The following PEBP4 variants were observed in gnomAD, a reference collection of about 807,000 sequenced individuals.
PEBP4 encodes phosphatidylethanolamine-binding protein 4.
A neutral mutation model predicts 23.9 loss-of-function variants in PEBP4; 22 were observed. The ratio of observed to expected loss-of-function variants is 0.92; its 90% CI spans 0.66 to 1.31. The LOEUF (loss-of-function observed/expected upper bound fraction) is 1.31, where lower values mean the gene tolerates loss of function less well. PEBP4 is among the 40% of genes most tolerant of loss of function. PEBP4 has a pLI of 0.00. For synonymous variants in PEBP4, 112 were observed against 99.3 expected, an observed-to-expected ratio of 1.13 and a Z score of -0.76; for missense variants, 324 against 281.7, an observed-to-expected ratio of 1.15 and a Z score of -1.07.
chr8:22,794,712 T>A (rs889611682), intron 4 of PEBP4, among the ~76,000 whole-genome samples: 1 of 152,178 alleles, frequency 6.6e-6, no homozygotes, highest in Non-Finnish European at 1.5e-5. Context: ...GAAGTTTTTA[T>A]TTACAGAAGT....
intron 1 of PEBP4, among the ~76,000 whole-genome samples, chr8:22,940,973 T>C (rs1330544260): frequency 6.6e-6 from 1 of 152,154 alleles, no homozygotes; most frequent in Non-Finnish European, 1.5e-5. Flanking sequence ...GTTTCTGGCC[T>C]GGAGAACGAG....
At chr8:22,719,729 G>T (rs879651757) in intron 6 of PEBP4, among the ~76,000 whole-genome samples, 5 of 152,204 alleles carry the variant, frequency 3.3e-5, no homozygotes, top group African/African-American at 4.8e-5. Context: ...TTCCTCGTTT[G>T]CCCTGGGGTA....
chr8:22,860,166 A>ATT (rs1807738779), intron 3 of PEBP4, among the ~76,000 whole-genome samples: 1 of 125,292 alleles, frequency 8.0e-6, no homozygotes, highest in Non-Finnish European at 1.7e-5. Context: ...ACACATATAT[A>ATT]TGTATATATA....
At chr8:22,732,600 G>A (rs1804761785) in intron 4 of PEBP4, among the ~76,000 whole-genome samples, 1 of 151,580 alleles carries the variant, frequency 6.6e-6, no homozygotes, top group African/African-American at 2.4e-5. Context: ...AAAAAGAATA[G>A]TAGTCACTCC....
chr8:22,738,318 C>A (rs372411728), intron 4 of PEBP4, among the ~76,000 whole-genome samples: 1 of 152,148 alleles, frequency 6.6e-6, no homozygotes, highest in African/African-American at 2.4e-5. Flanking sequence ...CTCAGGAGAG[C>A]GAGTCAGAGG....
chr8:22,737,294 CAAAAAAA>C (rs11302571), intron 4 of PEBP4, among the ~76,000 whole-genome samples: 1 of 65,496 alleles, frequency 1.5e-5, no homozygotes, highest in Non-Finnish European at 3.2e-5. Flanking sequence ...GACTCCGTCT[CAAAAAAA>C]AAAAAAAAAA....
At chr8:22,891,239 G>GATGA (rs112416849) in intron 3 of PEBP4, among the ~76,000 whole-genome samples, 18 of 151,724 alleles carry the variant, frequency 1.2e-4, no homozygotes, top group African/African-American at 3.9e-4. Context: ...GCACTTGCCA[G>GATGA]ATGAATGAAT....
chr8:22,762,678 G>A (rs181779321), intron 4 of PEBP4, among the ~76,000 whole-genome samples: 20 of 152,184 alleles, frequency 1.3e-4, no homozygotes, highest in Admixed American at 2.0e-4. Context: ...TTACTTCTCC[G>A]TAAGTGGCAA....
chr8:22,781,124 C>T (rs1402043084), intron 4 of PEBP4, among the ~76,000 whole-genome samples: 2 of 152,162 alleles, frequency 1.3e-5, no homozygotes, highest in Non-Finnish European at 2.9e-5. Flanking sequence ...GCTGGACTGA[C>T]CTCAGGTGTC....
At chr8:22,732,397 G>T (rs1804756823) in intron 4 of PEBP4, among the ~76,000 whole-genome samples, 1 of 152,100 alleles carries the variant, frequency 6.6e-6, no homozygotes, top group Non-Finnish European at 1.5e-5. Flanking sequence ...CACACAACTG[G>T]AGGGCCCATG....
chr8:22,713,688 C>T, intron 6 of PEBP4, 152 bp from the exon 7 acceptor site: 2 of 1,098,642 alleles, frequency 1.8e-6, no homozygotes, highest in South Asian at 3.0e-5. Context: ...GCTTCCGGCT[C>T]CTGTTGCAGA....
intron 4 of PEBP4, among the ~76,000 whole-genome samples, chr8:22,764,957 A>T (rs924656619): frequency 6.6e-6 from 1 of 151,824 alleles, no homozygotes; most frequent in African/African-American, 2.4e-5. Flanking sequence ...GAGGGGATGG[A>T]CTTCCCCTGT....
chr8:22,928,090 A>ATG (rs1809391149), upstream of PEBP4, among the ~76,000 whole-genome samples: 1 of 151,794 alleles, frequency 6.6e-6, no homozygotes, highest in Non-Finnish European at 1.5e-5. Flanking sequence ...CTGTTGGCCC[A>ATG]GGGATGGTCA....
At chr8:22,747,879 TCA>T (rs1439108986) in intron 4 of PEBP4, among the ~76,000 whole-genome samples, 5 of 152,122 alleles carry the variant, frequency 3.3e-5, no homozygotes, top group Admixed American at 1.3e-4. Flanking sequence ...GAGTGTGTGC[TCA>T]CACAAGCACT....
rs1300273523 is a variant in PEBP4 at position 22,920,708 on chromosome 8, G to C, written c.132-398C>G. Among the ~76,000 whole-genome samples the C allele has an allele frequency of 2.0e-5, 3 of 152,164 alleles. No homozygotes were observed. In the East Asian group the frequency reaches 5.8e-4, roughly 29 times the overall value. ...TTTATAAAAACAATACCTATAGATT[G>C]CTTTTCAGGAACATTCTTATTACAG... On this transcript the variant is annotated intron_variant, in intron 2 of 6. Coordinates refer to ENST00000256404, the MANE Select transcript of PEBP4 (RefSeq NM_144962.3).
chr8:22,915,674 G>A (rs1407060674), intron 3 of PEBP4, among the ~76,000 whole-genome samples: 1 of 152,202 alleles, frequency 6.6e-6, no homozygotes, highest in African/African-American at 2.4e-5. Context: ...GAGCCAGTGG[G>A]CCTGCACTTG....
intron 4 of PEBP4, among the ~76,000 whole-genome samples, chr8:22,769,030 T>C (rs1488469261): frequency 6.6e-6 from 1 of 152,148 alleles, no homozygotes; most frequent in African/African-American, 2.4e-5. Context: ...GGGGGTCTGC[T>C]GGAAACTAAG....
chr8:22,920,101 T>C (rs1563261688), intron 3 of PEBP4, 83 bp downstream of exon 3: 2 of 1,542,938 alleles, frequency 1.3e-6, no homozygotes, highest in Non-Finnish European at 1.8e-6. Context: ...GCACGCAGCT[T>C]CAAGTCACCC....
intron 3 of PEBP4, among the ~76,000 whole-genome samples, chr8:22,917,527 T>G (rs1199964516): frequency 6.6e-6 from 1 of 152,184 alleles, no homozygotes; most frequent in Non-Finnish European, 1.5e-5. Context: ...AGTGGCCCAC[T>G]GGCCAGGCCC....
Sources: allele counts gnomAD v4.1 joint callset (sites outside exome capture counted in the v4.1 genomes callset), GRCh38; gene constraint gnomAD v4.1.1; transcripts MANE v1.5; gene names NCBI Gene and HGNC (gene_info 2026-07-23, HGNC 2026-07-21).